Variants in ZNF654 observed in about 807,000 individuals in gnomAD.
The protein encoded by ZNF654 is melanoma-associated antigen.
Under a neutral mutation model 95.3 loss-of-function variants are expected in ZNF654, and 19 were observed. The observed-to-expected ratio is 0.20, with a 90% CI of 0.14 to 0.29. The LOEUF (loss-of-function observed/expected upper bound fraction) is 0.29, where lower values mean the gene tolerates loss of function less well. Among genes scored for constraint, ZNF654 ranks in the 10% least tolerant of loss-of-function variants. The probability of loss-of-function intolerance (pLI) is 1.00; values close to 1 mark genes in which losing one functional copy is unlikely to be tolerated. For synonymous variants in ZNF654, 413 were observed against 457.9 expected, an observed-to-expected ratio of 0.90 and a Z score of 1.25; for missense variants, 1,046 against 1,341.0, an observed-to-expected ratio of 0.78 and a Z score of 3.44.
chr3:88,129,098 A>G, intron 5 of ZNF654, 87 bp downstream of exon 5: 1 of 967,902 alleles, frequency 1.0e-6, no homozygotes, highest in Non-Finnish European at 1.5e-6. Context: ...TGTTGTTGTT[A>G]AATTCCTTTT....
At chr3:88,121,675 A>G (rs1320208553) in intron 3 of ZNF654, among the ~76,000 whole-genome samples, 1 of 152,284 alleles carries the variant, frequency 6.6e-6, no homozygotes, top group East Asian at 1.9e-4. Flanking sequence ...TGAGATAACC[A>G]ATCAATGTGT....
At position 88,059,512 on chromosome 3, in the gene ZNF654, C is replaced by A. The variant is rs1437819032; in HGVS notation, c.186+7C>A. ...CTGCCGACGCTTCTGTCAGGTGAGG[C>A]GTCCGTTGGCCGCCCCGACTTGTCA... On this transcript the variant is annotated splice_region_variant and intron_variant, in intron 1 of 8. Coordinates refer to ENST00000636215, the MANE Select transcript of ZNF654 (RefSeq NM_001350134.2). 6.8e-6 allele frequency: 10 copies of A among 1,465,858 alleles called. No individual in the cohort carries two copies. Among genetic ancestry groups the A allele is most frequent in the Non-Finnish European group, 9.0e-6 (10 of 1,117,138 alleles). 90.8% of individuals were successfully genotyped at this position (1,465,858 alleles called of 1,614,324 possible).
Position 88,106,406 on chromosome 3 carries a change from C to T in ZNF654, c.333-6709C>T, listed in dbSNP as rs560201692. On this transcript the variant is annotated intron_variant, in intron 2 of 8. Coordinates refer to ENST00000636215, the MANE Select transcript of ZNF654 (RefSeq NM_001350134.2). ...AGGCTGGATTGCAGTGGTGTGATCT[C>T]GGCTCACTGCAGCCTCTCCCTCCTG... Among the ~76,000 whole-genome samples the T allele has an allele frequency of 8.5e-4, 129 of 151,446 alleles. 1 individual carries two copies. Among genetic ancestry groups the T allele is most frequent in the Admixed American group, 1.6e-3 (24 of 15,206 alleles).
chr3:88,078,901 T>C (rs1399905914), intron 1 of ZNF654, among the ~76,000 whole-genome samples: 1 of 152,106 alleles, frequency 6.6e-6, no homozygotes, highest in Non-Finnish European at 1.5e-5. Flanking sequence ...TTATAAATTC[T>C]CTGTGAATTT....
At chr3:88,080,950 T>C (rs1211167098) in intron 1 of ZNF654, among the ~76,000 whole-genome samples, 1 of 152,206 alleles carries the variant, frequency 6.6e-6, no homozygotes, top group African/African-American at 2.4e-5. Context: ...TCCATTGATG[T>C]TCTTTTCCCA....
In ZNF654 at chr3:88,135,054, T is replaced by C. The variant is rs1200863472; in HGVS notation, c.894-7T>C. 5 of 1,390,092 alleles carry C rather than the reference T, an allele frequency of 3.6e-6. No homozygotes were observed. The highest frequency in any genetic ancestry group is 4.6e-6 in the Non-Finnish European group (5 of 1,076,246). 86.1% of individuals were successfully genotyped at this position (1,390,092 alleles called of 1,614,324 possible). ...TTTTGATAATTCTCTTTTTTTCTCATTTACAGGGAGTTGATTTTCATATGG... is the reference window on the plus strand; with the variant it reads ...TTTTGATAATTCTCTTTTTTTCTCACTTACAGGGAGTTGATTTTCATATGG... On this transcript the variant is annotated splice_region_variant and splice_polypyrimidine_tract_variant and intron_variant, in intron 6 of 8. Transcript: ENST00000636215.
intron 3 of ZNF654, among the ~76,000 whole-genome samples, chr3:88,116,854 G>T (rs747134195): frequency 2.0e-5 from 3 of 152,038 alleles, no homozygotes; most frequent in Non-Finnish European, 4.4e-5. Flanking sequence ...CTTTGTTTGG[G>T]CATGAAGGAT....
intron 6 of ZNF654, among the ~76,000 whole-genome samples, chr3:88,131,404 C>T (rs1261924166): frequency 2.0e-5 from 3 of 152,092 alleles, no homozygotes; most frequent in African/African-American, 7.2e-5. Flanking sequence ...TAGATCTTTT[C>T]CTATGGGAAT....
intron 1 of ZNF654, among the ~76,000 whole-genome samples, chr3:88,060,133 C>T (rs1189877695): frequency 6.6e-6 from 1 of 151,964 alleles, no homozygotes; most frequent in Non-Finnish European, 1.5e-5. Context: ...TTTTTAACCT[C>T]CTTCGGTTGA....
chr3:88,139,917 G>A lies in ZNF654; in HGVS notation c.2248G>A (p.Ala750Thr). Reference sequence around the variant, plus strand: ...TCAAGAAGGAAACTTTAAGTGTCCTGCTCTTGGTTGTGTCCGGATATTTAA... The same window carrying A: ...TCAAGAAGGAAACTTTAAGTGTCCTACTCTTGGTTGTGTCCGGATATTTAA... Reference protein sequence around the residue: ...TDQEGNFKCPALGCVRIFKRI... With the variant: ...TDQEGNFKCPTLGCVRIFKRI... The change falls in exon 8 of 9, where the codon GCT becomes ACT. Residue 750 changes from alanine to threonine, a missense_variant. Physicochemically the swap from Ala to Thr is moderately conservative, Grantham distance 58. Transcript: ENST00000636215. The A allele has an allele frequency of 6.2e-7, 1 of 1,613,538 alleles. No individual in the cohort carries two copies. Among genetic ancestry groups the A allele is most frequent in the Non-Finnish European group, 8.5e-7 (1 of 1,179,728 alleles).
In ZNF654 at chr3:88,140,074, T is replaced by G; in HGVS notation, c.2405T>G (p.Phe802Cys). 6.2e-7 allele frequency: 1 copy of G among 1,613,806 alleles called. No individual in the cohort carries two copies. The highest frequency in any genetic ancestry group is 8.5e-7 in the Non-Finnish European group (1 of 1,179,796). ...CQRQFEDSQH[F>C]IDHLNRHSYP... ...AGGCAATTTGAAGATTCTCAACATT[T>G]TATAGACCACCTTAATAGACATAGC... is the stretch of plus-strand genomic sequence containing the variant. The change falls in exon 8 of 9, where the codon TTT (phenylalanine) becomes TGT (cysteine). Residue 802 changes from phenylalanine (F) to cysteine (C), a missense_variant. Physicochemically the swap from Phe to Cys is radical, Grantham distance 205 (BLOSUM62 -2). Transcript: ENST00000636215.
At chr3:88,116,430 G>C (rs1576311053) in intron 3 of ZNF654, among the ~76,000 whole-genome samples, 1 of 151,974 alleles carries the variant, frequency 6.6e-6, no homozygotes, top group South Asian at 2.1e-4. Flanking sequence ...TGAGGCAGGA[G>C]AATCGCTTGA....
chr3:88,085,366 A>G (rs1708286647), intron 1 of ZNF654, among the ~76,000 whole-genome samples: 1 of 152,208 alleles, frequency 6.6e-6, no homozygotes, highest in South Asian at 2.1e-4. Context: ...GTTCCAATAA[A>G]ACCTTATTTA....
chr3:88,139,006 T>C lies in ZNF654; in HGVS notation c.1337T>C (p.Phe446Ser). 1 of 1,246,340 alleles carries C rather than the reference T, an allele frequency of 8.0e-7. No homozygotes were observed. Among genetic ancestry groups the C allele is most frequent in the Non-Finnish European group, 1.0e-6 (1 of 997,352 alleles). The allele number at this position is 1,246,340 out of a possible 1,614,324, so 77.2% of individuals were successfully genotyped here. A position where few individuals can be genotyped will look rare whatever the true frequency, so the allele number is the denominator to read the frequency against. The change falls in exon 8 of 9, where the codon TTT becomes TCT. Residue 446 changes from phenylalanine to serine, a missense_variant. This residue lies in a region of ZNF654 where 78 missense variants were observed against 154.2 expected (regional missense o/e 0.51). Coordinates refer to ENST00000636215, the MANE Select transcript of ZNF654 (RefSeq NM_001350134.2). ...ELLPILKKGL[F>S]FDPEFWNFVM... is the part of the protein sequence containing the mutation. Reference sequence around the variant, plus strand: ...CTTCCAATTTTGAAAAAGGGATTGTTTTTTGACCCTGAATTTTGGAACTTC... The same window carrying C: ...CTTCCAATTTTGAAAAAGGGATTGTCTTTTGACCCTGAATTTTGGAACTTC...
chr3:88,081,249 A>G (rs1389340902), intron 1 of ZNF654, among the ~76,000 whole-genome samples: 1 of 152,180 alleles, frequency 6.6e-6, no homozygotes, highest in Admixed American at 6.5e-5. Context: ...GTATTTTATT[A>G]TATAGTTCAC....
At chr3:88,069,223 A>G (rs1707368769) in intron 1 of ZNF654, among the ~76,000 whole-genome samples, 1 of 152,170 alleles carries the variant, frequency 6.6e-6, no homozygotes, top group African/African-American at 2.4e-5. Context: ...GGAGCTCAAG[A>G]CCAGCCTGGC....
chr3:88,130,960 G>C (rs550628361), intron 6 of ZNF654, among the ~76,000 whole-genome samples: 197 of 152,186 alleles, frequency 1.3e-3, no homozygotes, highest in Non-Finnish European at 1.9e-3. Flanking sequence ...GGAGGTAGTG[G>C]TAAGACATAC....
Position 88,139,894 on chromosome 3 carries a change from A to G in ZNF654, c.2225A>G (p.Gln742Arg), listed in dbSNP as rs1707014567. ...CHPKDIYATD[Q>R]EGNFKCPALG... ...CCAAAAGACATATATGCCACAGATC[A>G]AGAAGGAAACTTTAAGTGTCCTGCT... Residue 742 changes from glutamine to arginine, a missense_variant, in exon 8 of 9, where the codon CAA (glutamine) becomes CGA (arginine). Around this residue, in one of 9 missense-constraint regions of ZNF654, gnomAD observed 495 missense variants for 537.0 expected, o/e 0.92. Coordinates refer to ENST00000636215, the MANE Select transcript of ZNF654 (RefSeq NM_001350134.2). 2 of 1,612,868 alleles carry G rather than the reference A, an allele frequency of 1.2e-6. No individual in the cohort carries two copies. The highest frequency in any genetic ancestry group is 4.5e-5 in the East Asian group (2 of 44,846).
In ZNF654 at chr3:88,139,247, G is replaced by A. The variant is rs958030141; in HGVS notation, c.1578G>A (p.Thr526=). 3.6e-5 allele frequency: 55 copies of A among 1,522,566 alleles called. No individual in the cohort carries two copies. Among genetic ancestry groups the A allele is most frequent in the Non-Finnish European group, 3.3e-5 (38 of 1,140,874 alleles). 94.3% of individuals were successfully genotyped at this position (1,522,566 alleles called of 1,614,324 possible). ...SGVQPKGHIN[T]KKNLTALSTS... is the part of the protein sequence containing the mutation. ...TGCAGCCTAAAGGTCATATTAATAC[G>A]AAGAAAAATCTTACAGCTCTCAGTA... is the stretch of plus-strand genomic sequence containing the variant. The change falls in exon 8 of 9, where the codon ACG becomes ACA. Residue 526 remains threonine, a synonymous_variant. Transcript: ENST00000636215.
Sources: allele counts gnomAD v4.1 joint callset (sites outside exome capture counted in the v4.1 genomes callset), GRCh38; gene constraint gnomAD v4.1.1; regional missense constraint gnomAD v4.1.1; transcripts MANE v1.5; gene names NCBI Gene and HGNC (gene_info 2026-07-23, HGNC 2026-07-21).